The following SYT16 variants were observed in gnomAD, a reference collection of about 807,000 sequenced individuals.
SYT16 encodes the protein synaptotagmin-16.
In SYT16, 42 loss-of-function variants were observed where a neutral mutation model predicts 61.4. The ratio of observed to expected loss-of-function variants is 0.68; its 90% CI spans 0.53 to 0.89. The LOEUF (loss-of-function observed/expected upper bound fraction) is 0.89, where lower values mean the gene tolerates loss of function less well. Ranked by LOEUF, SYT16 falls within the 40% of genes least tolerant of loss-of-function variation. The pLI, the probability that SYT16 is intolerant of heterozygous loss-of-function variation, is 0.00. For missense variants in SYT16, 804 were observed against 807.3 expected (o/e 1.00, Z 0.05); for synonymous variants, 314 against 302.3 (o/e 1.04, Z -0.40).
chr14:61,848,362 T>A (rs1462422659), intron 1 of SYT16, among the ~76,000 whole-genome samples: 1 of 152,210 alleles, frequency 6.6e-6, no homozygotes. Context: ...TCTGGAAGAA[T>A]AATCTGGATT....
At chr14:62,063,869 G>T (rs1331323053) in intron 3 of SYT16, among the ~76,000 whole-genome samples, 1 of 152,180 alleles carries the variant, frequency 6.6e-6, no homozygotes, top group Non-Finnish European at 1.5e-5. Context: ...TTAATAAAGG[G>T]ATGAAGGTGC....
At chr14:62,005,465 A>T (rs1262162631) in intron 3 of SYT16, among the ~76,000 whole-genome samples, 2 of 152,062 alleles carry the variant, frequency 1.3e-5, no homozygotes, top group Non-Finnish European at 2.9e-5. Flanking sequence ...CAGTCTTCTG[A>T]TCTCTGTTTT....
chr14:62,043,856 A>T (rs1197409725), intron 3 of SYT16, among the ~76,000 whole-genome samples: 1 of 152,102 alleles, frequency 6.6e-6, no homozygotes, highest in Admixed American at 6.5e-5. Flanking sequence ...CTGTTTTTGT[A>T]GAGACAGAAT....
chr14:62,013,963 C>CAAA (rs555395324), intron 3 of SYT16, among the ~76,000 whole-genome samples: 7 of 129,304 alleles, frequency 5.4e-5, no homozygotes, highest in African/African-American at 2.0e-4. Flanking sequence ...GATTCCATCT[C>CAAA]AAAAAAAAAA....
chr14:61,861,528 C>T (rs965398893), intron 1 of SYT16, among the ~76,000 whole-genome samples: 2 of 152,146 alleles, frequency 1.3e-5, no homozygotes, highest in African/African-American at 4.8e-5. Flanking sequence ...CTTCAGCCCC[C>T]CACGTAGCTG....
chr14:62,084,267 T>G lies in SYT16; in HGVS notation c.1506T>G (p.Ser502=). ...GTACTTCATCCACGCAGTCGCTGTC[T>G]CATGGAGGGGCGCCAGAGCTGTTGG... ...SDSTSSTQSL[S]HGGAPELLVG... Residue 502 remains serine (S), a synonymous_variant, in exon 7 of 8, where the codon TCT becomes TCG. Coordinates refer to ENST00000683842, the MANE Select transcript of SYT16 (RefSeq NM_001367656.1). 4 of 1,613,992 alleles carry G rather than the reference T, an allele frequency of 2.5e-6. No individual in the cohort carries two copies. Among genetic ancestry groups the G allele is most frequent in the Non-Finnish European group, 3.4e-6 (4 of 1,179,884 alleles).
At chr14:61,917,171 C>T (rs946049556) in intron 1 of SYT16, among the ~76,000 whole-genome samples, 7 of 152,136 alleles carry the variant, frequency 4.6e-5, no homozygotes, top group Non-Finnish European at 2.9e-5. Flanking sequence ...TAATGAGATT[C>T]TCAGATGGGT....
Position 62,100,381 on chromosome 14 carries a change from T to C in SYT16, c.1625-13T>C, listed in dbSNP as rs2057391117. The C allele has an allele frequency of 3.2e-6, 5 of 1,561,516 alleles. No individual in the cohort carries two copies. Among genetic ancestry groups the C allele is most frequent in the Non-Finnish European group, 3.5e-6 (4 of 1,154,164 alleles). ...CTTATCATCCCCACCCCACCCTTTT[T>C]TTTTTGTCTTAGATACATATGGAAA... On this transcript the variant is annotated splice_polypyrimidine_tract_variant and intron_variant, in intron 7 of 7. Transcript: ENST00000683842.
At chr14:62,021,561 G>C (rs958143153) in intron 3 of SYT16, among the ~76,000 whole-genome samples, 1 of 151,620 alleles carries the variant, frequency 6.6e-6, no homozygotes, top group Non-Finnish European at 1.5e-5. Flanking sequence ...AGGATTTTCT[G>C]TCCTTCCCCC....
chr14:62,001,312 C>T (rs1252721114), intron 3 of SYT16, among the ~76,000 whole-genome samples: 1 of 151,948 alleles, frequency 6.6e-6, no homozygotes, highest in Admixed American at 6.6e-5. Flanking sequence ...AGAATTATGT[C>T]AGCTTTTGCT....
Position 62,075,322 on chromosome 14 carries a change from G to A in SYT16, c.924G>A (p.Glu308=), listed in dbSNP as rs1280429076. The change falls in exon 5 of 8, where the codon GAG becomes GAA. Residue 308 remains glutamate (E), a synonymous_variant. Transcript: ENST00000683842. ...CCACAGAGGGCAGCTTGGAGATGGA[G>A]ACAGCTTTTAATAGCCGGGGATTTG... is the stretch of plus-strand genomic sequence containing the variant. ...RQSTEGSLEM[E]TAFNSRGFED... 5.9e-5 allele frequency: 96 copies of A among 1,613,852 alleles called. No individual in the cohort carries two copies. Among genetic ancestry groups the A allele is most frequent in the Non-Finnish European group, 8.0e-5 (94 of 1,179,878 alleles).
At chr14:62,016,052 A>G (rs2053661871) in intron 3 of SYT16, among the ~76,000 whole-genome samples, 1 of 152,140 alleles carries the variant, frequency 6.6e-6, no homozygotes, top group Non-Finnish European at 1.5e-5. Flanking sequence ...ACAGCTGTGA[A>G]TGGGTCTGTT....
At chr14:61,816,779 A>G (rs1376570492) in intron 1 of SYT16, among the ~76,000 whole-genome samples, 3 of 152,064 alleles carry the variant, frequency 2.0e-5, no homozygotes, top group Non-Finnish European at 4.4e-5. Context: ...TGGGAGGCCG[A>G]GGCGGACGGA....
At chr14:61,849,053 C>T (rs996694066) in intron 1 of SYT16, among the ~76,000 whole-genome samples, 1 of 152,162 alleles carries the variant, frequency 6.6e-6, no homozygotes, top group Non-Finnish European at 1.5e-5. Context: ...CTGGGTTCTT[C>T]CCTTCAAGGC....
intron 3 of SYT16, among the ~76,000 whole-genome samples, chr14:62,032,534 A>G (rs956353230): frequency 1.3e-5 from 2 of 152,086 alleles, no homozygotes; most frequent in African/African-American, 4.8e-5. Flanking sequence ...ACTTGAATTT[A>G]TGAATATATT....
intron 1 of SYT16, among the ~76,000 whole-genome samples, chr14:61,814,983 G>A (rs1175637046): frequency 6.6e-6 from 1 of 152,170 alleles, no homozygotes; most frequent in Admixed American, 6.5e-5. Context: ...CTGGTTCTTA[G>A]TCCTAGTTGC....
intron 1 of SYT16, among the ~76,000 whole-genome samples, chr14:61,817,277 G>T (rs1220023816): frequency 1.3e-5 from 2 of 151,992 alleles, no homozygotes; most frequent in African/African-American, 4.8e-5. Context: ...AATTAGCCGG[G>T]TGTGGTGACA....
intron 1 of SYT16, among the ~76,000 whole-genome samples, chr14:61,820,512 C>T (rs868190791): frequency 1.8e-5 from 2 of 108,110 alleles, no homozygotes; most frequent in Non-Finnish European, 1.7e-5. Context: ...GACGTAGTCT[C>T]GCTCTGTCGC....
At chr14:62,004,472 A>G (rs1364101333) in intron 3 of SYT16, among the ~76,000 whole-genome samples, 1 of 152,102 alleles carries the variant, frequency 6.6e-6, no homozygotes, top group Non-Finnish European at 1.5e-5. Flanking sequence ...TCCTGTAAAC[A>G]GTTGGGAATC....
Sources: gnomAD v4.1 joint callset for allele counts (sites outside exome capture counted in the v4.1 genomes callset) on GRCh38, gnomAD v4.1.1 for gene constraint, MANE v1.5 for transcripts, NCBI Gene and HGNC (gene_info 2026-07-23, HGNC 2026-07-21) for gene names.